Variants in UBE2E1 observed in about 807,000 individuals in gnomAD.
UBE2E1 encodes ubiquitin conjugating enzyme E2 E1.
UBE2E1 carries 6 observed loss-of-function variants against 21.4 expected under a neutral mutation model. That is an observed-to-expected ratio of 0.28 (90% CI 0.15 to 0.55). The LOEUF (loss-of-function observed/expected upper bound fraction) is 0.55. UBE2E1 is among the 20% of genes least tolerant of loss of function. UBE2E1 has a pLI of 0.93. For synonymous variants in UBE2E1, 87 were observed against 82.7 expected, an observed-to-expected ratio of 1.05 and a Z score of -0.28; for missense variants, 142 against 236.5, an observed-to-expected ratio of 0.60 and a Z score of 2.62.
chr3:23,810,376 A>C lies in UBE2E1; in HGVS notation c.153-1084A>C. The stretch of plus-strand genomic sequence containing the variant: ...GTGAACTGCCTGGTGGCTTCGGCCT[A>C]TGAGTGGGGGATGGGGCCCTTTGTG... On this transcript the variant is annotated intron_variant, in intron 2 of 5. Coordinates refer to ENST00000306627, the MANE Select transcript of UBE2E1 (RefSeq NM_003341.5). This position sits in a 1 kb window ranked among gnomAD's most constrained non-coding sequence, Gnocchi z 5.8. The C allele has an allele frequency of 6.6e-7, 1 of 1,504,020 alleles. No individual in the cohort carries two copies. Among genetic ancestry groups the C allele is most frequent in the Admixed American group, 2.0e-5 (1 of 50,750 alleles). 93.2% of individuals were successfully genotyped at this position (1,504,020 alleles called of 1,614,324 possible).
In UBE2E1 at chr3:23,822,883, G is replaced by A. The variant is rs1370004834; in HGVS notation, c.203+11373G>A. ...CCTTCCAGAGACGGAGCCTTGCTCTGTCGCCCAGGCTGGAGTGCAGTGGTG... is the reference window on the plus strand; with the variant it reads ...CCTTCCAGAGACGGAGCCTTGCTCTATCGCCCAGGCTGGAGTGCAGTGGTG... On this transcript the variant is annotated intron_variant, in intron 3 of 5. Coordinates refer to ENST00000306627, the MANE Select transcript of UBE2E1 (RefSeq NM_003341.5). 4.9e-5 allele frequency among the ~76,000 whole-genome samples: 6 copies of A among 121,308 alleles called. No homozygotes were observed. In the Admixed American group the frequency reaches 7.5e-4, roughly 15 times the overall value. The allele number at this position is 121,308 out of a possible 152,430, so 79.6% of individuals were successfully genotyped here. A position where few individuals can be genotyped will look rare whatever the true frequency, so the allele number is the denominator to read the frequency against.
At chr3:23,845,251 T>G (rs1011906842) in intron 3 of UBE2E1, among the ~76,000 whole-genome samples, 4 of 152,212 alleles carry the variant, frequency 2.6e-5, no homozygotes, top group African/African-American at 7.2e-5. Flanking sequence ...GACAGGATAT[T>G]TTCTTCTTTT....
At chr3:23,857,754 T>C (rs1474021313) in intron 3 of UBE2E1, among the ~76,000 whole-genome samples, 2 of 152,238 alleles carry the variant, frequency 1.3e-5, no homozygotes, top group African/African-American at 2.4e-5. Context: ...TCTGTGCTTA[T>C]GGAAATGGTT....
rs1250827773 is a variant in UBE2E1 at position 23,816,707 on chromosome 3, A to G, written c.203+5197A>G. Among the ~76,000 whole-genome samples the G allele has an allele frequency of 6.9e-6, 1 of 145,042 alleles. No homozygotes were observed. Among genetic ancestry groups the G allele is most frequent in the Non-Finnish European group, 1.5e-5 (1 of 64,524 alleles). On this transcript the variant is annotated intron_variant, in intron 3 of 5. Transcript: ENST00000306627. This position sits in a 1 kb window ranked among gnomAD's most constrained non-coding sequence, Gnocchi z 4.8. ...GGGCAACAAAGCGAGGCTCCATCTCAAAAAAAAAGGTTATACTAAGTGAAA... is the reference window on the plus strand; with the variant it reads ...GGGCAACAAAGCGAGGCTCCATCTCGAAAAAAAAGGTTATACTAAGTGAAA...
chr3:23,877,933 C>T (rs548901224), intron 3 of UBE2E1, among the ~76,000 whole-genome samples: 1 of 152,138 alleles, frequency 6.6e-6, no homozygotes, highest in Non-Finnish European at 1.5e-5. Context: ...GATCCCAAGC[C>T]TCTGCCCTTT....
At chr3:23,888,140 T>G (rs983357077) in intron 4 of UBE2E1, 1 of 447,906 alleles carries the variant, frequency 2.2e-6, no homozygotes, top group African/African-American at 2.0e-5. Flanking sequence ...GCAGGGCAGG[T>G]CAGGGGGCCA....
At chr3:23,854,955 C>A (rs1700404134) in intron 3 of UBE2E1, among the ~76,000 whole-genome samples, 1 of 152,150 alleles carries the variant, frequency 6.6e-6, no homozygotes, top group South Asian at 2.1e-4. Context: ...GGCAGATTGT[C>A]CACTGACAGG....
chr3:23,807,663 C>T (rs1218622530), intron 2 of UBE2E1: 2 of 396,850 alleles, frequency 5.0e-6, no homozygotes, highest in East Asian at 4.3e-5. Flanking sequence ...TTGTAAGATT[C>T]CTCGTTACTT....
chr3:23,813,635 C>T (rs563275021), intron 3 of UBE2E1, among the ~76,000 whole-genome samples: 46 of 152,190 alleles, frequency 3.0e-4, no homozygotes, highest in African/African-American at 1.1e-3. Context: ...CTCCACCTCC[C>T]GGGTCCTGGT....
chr3:23,828,270 A>G lies in UBE2E1; in HGVS notation c.203+16760A>G, dbSNP rs535126283. ...CCAGTTACTTCATTTAGATGTTACC[A>G]TCAATCACAGAAACATGTAGGCTGA... On this transcript the variant is annotated intron_variant, in intron 3 of 5. Transcript: ENST00000306627. Among the ~76,000 whole-genome samples the G allele has an allele frequency of 5.3e-5, 8 of 152,364 alleles. No homozygotes were observed. The South Asian group carries it at 1.7e-3, about 32-fold the overall frequency.
At position 23,810,570 on chromosome 3, in the gene UBE2E1, C is replaced by T; in HGVS notation, c.153-890C>T. The stretch of plus-strand genomic sequence containing the variant: ...CGAGAGTCCCGGCCAGCGTGCGGGG[C>T]GGAGGCAGGGTCCGGTGCACCTGTG... On this transcript the variant is annotated intron_variant, in intron 2 of 5. Transcript: ENST00000306627. This position sits in a 1 kb window ranked among gnomAD's most constrained non-coding sequence, Gnocchi z 5.8. 2.0e-6 allele frequency: 3 copies of T among 1,513,330 alleles called. No homozygotes were observed. The highest frequency in any genetic ancestry group is 2.7e-6 in the Non-Finnish European group (3 of 1,131,630). The allele number at this position is 1,513,330 out of a possible 1,614,324, so 93.7% of individuals were successfully genotyped here.
intron 3 of UBE2E1, among the ~76,000 whole-genome samples, chr3:23,885,453 G>T (rs1701160175): frequency 6.6e-6 from 1 of 152,156 alleles, no homozygotes; most frequent in Non-Finnish European, 1.5e-5. Flanking sequence ...GGAGAGGGCT[G>T]ATTAAGAGCT....
At chr3:23,890,272 G>A (rs555199469) in intron 5 of UBE2E1, among the ~76,000 whole-genome samples, 1 of 152,238 alleles carries the variant, frequency 6.6e-6, no homozygotes, top group Non-Finnish European at 1.5e-5. Flanking sequence ...GAGAAAAATG[G>A]AATGAACTAA....
intron 3 of UBE2E1, among the ~76,000 whole-genome samples, chr3:23,846,819 G>A (rs1700216245): frequency 6.6e-6 from 1 of 151,748 alleles, no homozygotes; most frequent in Admixed American, 6.6e-5. Flanking sequence ...GGGACATAGA[G>A]AAACAGTCTT....
chr3:23,819,777 T>A (rs1025635033), intron 3 of UBE2E1, among the ~76,000 whole-genome samples: 4 of 152,146 alleles, frequency 2.6e-5, no homozygotes, highest in Non-Finnish European at 5.9e-5. Flanking sequence ...ACCCAAGCAG[T>A]TTTGGCAATT....
chr3:23,810,645 G>T lies in UBE2E1; in HGVS notation c.153-815G>T. On this transcript the variant is annotated intron_variant, in intron 2 of 5. Coordinates refer to ENST00000306627, the MANE Select transcript of UBE2E1 (RefSeq NM_003341.5). This position sits in a 1 kb window ranked among gnomAD's most constrained non-coding sequence, Gnocchi z 5.8. The stretch of plus-strand genomic sequence containing the variant: ...TCTGTGGTGCCCGAGTGGCGGGCGG[G>T]GGTGTTCGCGCCCTGCTTTCGCGCG... The T allele has an allele frequency of 1.0e-6, 1 of 973,232 alleles. No homozygotes were observed. The highest frequency in any genetic ancestry group is 1.7e-5 in the South Asian group (1 of 57,680). 60.3% of individuals were successfully genotyped at this position (973,232 alleles called of 1,614,324 possible). A position where few individuals can be genotyped will look rare whatever the true frequency, so the allele number is the denominator to read the frequency against.
At chr3:23,834,882 G>A (rs757200021) in intron 3 of UBE2E1, among the ~76,000 whole-genome samples, 1 of 152,028 alleles carries the variant, frequency 6.6e-6, no homozygotes, top group Non-Finnish European at 1.5e-5. Flanking sequence ...TCACTTTGGA[G>A]GAAATTTAAA....
chr3:23,821,367 G>GT (rs1004586388), intron 3 of UBE2E1, among the ~76,000 whole-genome samples: 2 of 152,208 alleles, frequency 1.3e-5, no homozygotes, highest in African/African-American at 4.8e-5. Flanking sequence ...CAGAGGGAAG[G>GT]TAAAAACAGG....
rs1453509564 is a variant in UBE2E1 at position 23,846,103 on chromosome 3, G to GA, written c.203+34593_203+34594insA. 4.6e-3 allele frequency among the ~76,000 whole-genome samples: 694 copies of GA among 152,140 alleles called. 10 individuals are homozygous for GA. Among genetic ancestry groups the GA allele is most frequent in the African/African-American group, 0.016 (649 of 41,508 alleles). The stretch of plus-strand genomic sequence containing the variant: ...TAACTGTCATTCTCTGTATTATTTG[G>GA]GAAAAGTTCTTACATCAGTAACATG... On this transcript the variant is annotated intron_variant, in intron 3 of 5. Transcript: ENST00000306627.
Sources: gnomAD v4.1 joint callset for allele counts (sites outside exome capture counted in the v4.1 genomes callset) on GRCh38, gnomAD v4.1.1 for gene constraint, Gnocchi (gnomAD v3.1) non-coding constraint, MANE v1.5 for transcripts, NCBI Gene and HGNC (gene_info 2026-07-23, HGNC 2026-07-21) for gene names.